Variants in CNTNAP4 observed in about 807,000 individuals in gnomAD.
The protein encoded by CNTNAP4 is contactin-associated protein-like 4.
Under a neutral mutation model 148.4 loss-of-function variants are expected in CNTNAP4, and 98 were observed. That is an observed-to-expected ratio of 0.66 (90% confidence interval 0.56 to 0.78). The LOEUF is 0.78. CNTNAP4 is among the 30% of genes least tolerant of loss of function. The pLI is 0.00. For missense variants in CNTNAP4, 1,935 were observed against 1,565.6 expected, an observed-to-expected ratio of 1.24 and a Z score of -3.98; for synonymous variants, 730 against 565.1, an observed-to-expected ratio of 1.29 and a Z score of -4.14.
chr16:76,464,384 T>C (rs1249171387), intron 9 of CNTNAP4, among the ~76,000 whole-genome samples: 1 of 152,124 alleles, frequency 6.6e-6, no homozygotes, highest in Non-Finnish European at 1.5e-5. Flanking sequence ...GGTGATCAAC[T>C]CTTGCCAACT....
intron 9 of CNTNAP4, among the ~76,000 whole-genome samples, chr16:76,462,599 G>GCTT (rs2081018930): frequency 6.6e-6 from 1 of 152,114 alleles, no homozygotes; most frequent in Non-Finnish European, 1.5e-5. Context: ...TGATACATTT[G>GCTT]ATGAAATCAG....
At chr16:76,447,105 C>T (rs139256045) in intron 4 of CNTNAP4, among the ~76,000 whole-genome samples, 2 of 151,960 alleles carry the variant, frequency 1.3e-5, no homozygotes, top group African/African-American at 2.4e-5. Flanking sequence ...CCCAGGAATT[C>T]GAGACCAGCC....
chr16:76,549,558 A>G (rs1243331916), intron 21 of CNTNAP4, among the ~76,000 whole-genome samples: 1 of 152,238 alleles, frequency 6.6e-6, no homozygotes, highest in African/African-American at 2.4e-5. Context: ...TTTTCTATCA[A>G]AATAAAGCTA....
chr16:76,324,203 A>G (rs151226272), intron 2 of CNTNAP4, among the ~76,000 whole-genome samples: 1 of 152,300 alleles, frequency 6.6e-6, no homozygotes, highest in African/African-American at 2.4e-5. Context: ...AGATACAGGA[A>G]TTCAAAATAT....
chr16:76,521,169 A>G lies in CNTNAP4; in HGVS notation c.2395A>G (p.Thr799Ala). The G allele has an allele frequency of 6.2e-7, 1 of 1,603,774 alleles. No individual in the cohort carries two copies. Among genetic ancestry groups the G allele is most frequent in the Non-Finnish European group, 8.5e-7 (1 of 1,177,350 alleles). The change falls in exon 16 of 24, where the codon ACC becomes GCC. Residue 799 changes from threonine (T) to alanine (A), a missense_variant. By Grantham distance (58) the Thr-to-Ala change is moderately conservative (BLOSUM62 0). Coordinates refer to ENST00000611870, the MANE Select transcript of CNTNAP4 (RefSeq NM_033401.5). ...RSFWNSASFDTEASYLHFPTF... is the reference protein window; with the variant it reads ...RSFWNSASFDAEASYLHFPTF... ...ATTTTGGAATTCAGCTTCCTTTGAT[A>G]CCGAGGCTTCATATCTTCATTTTCC...
In CNTNAP4 at chr16:76,403,463, C is replaced by G. The variant is rs2144858718; in HGVS notation, c.391-23989C>G. Among the ~76,000 whole-genome samples the G allele has an allele frequency of 1.3e-5, 2 of 152,232 alleles. 1 individual carries two copies. Among genetic ancestry groups the G allele is most frequent in the East Asian group, 3.9e-4 (2 of 5,180 alleles). The stretch of plus-strand genomic sequence containing the variant: ...TGAAGAAAATCCCAATATCACTGAT[C>G]ATTAGAGAAATACAAATCAAAGCCA... On this transcript the variant is annotated intron_variant, in intron 3 of 23. Coordinates refer to ENST00000611870, the MANE Select transcript of CNTNAP4 (RefSeq NM_033401.5).
chr16:76,335,706 C>T (rs991494171), intron 2 of CNTNAP4, among the ~76,000 whole-genome samples: 1 of 152,148 alleles, frequency 6.6e-6, no homozygotes, highest in African/African-American at 2.4e-5. Flanking sequence ...GTCACGAAGT[C>T]ATTCTGTTGC....
At chr16:76,493,684 C>G (rs961563311) in intron 13 of CNTNAP4, among the ~76,000 whole-genome samples, 2 of 152,068 alleles carry the variant, frequency 1.3e-5, no homozygotes, top group Non-Finnish European at 2.9e-5. Context: ...GTATTTCAAG[C>G]AATTTTCACC....
chr16:76,521,152 A>G lies in CNTNAP4; in HGVS notation c.2378A>G (p.Asn793Ser), dbSNP rs1169570866. 1 of 1,579,804 alleles carries G rather than the reference A, an allele frequency of 6.3e-7. No individual in the cohort carries two copies. The highest frequency in any genetic ancestry group is 8.5e-7 in the Non-Finnish European group (1 of 1,169,752). Reference protein sequence around the residue: ...LLCQGDRSFWNSASFDTEASY... With the variant: ...LLCQGDRSFWSSASFDTEASY... ...TTTCACAAAACAGGATCATTTTGGA[A>G]TTCAGCTTCCTTTGATACCGAGGCT... Residue 793 changes from asparagine (N) to serine (S), a missense_variant, in exon 16 of 24, where the codon AAT becomes AGT. Asn to Ser is a conservative substitution (Grantham distance 46). Coordinates refer to ENST00000611870, the MANE Select transcript of CNTNAP4 (RefSeq NM_033401.5).
At position 76,533,029 on chromosome 16, in the gene CNTNAP4, C is replaced by T. The variant is rs940392960; in HGVS notation, c.2756-2516C>T. Among the ~76,000 whole-genome samples the T allele has an allele frequency of 2.6e-5, 4 of 152,224 alleles. 1 individual carries two copies. The highest frequency in any genetic ancestry group is 2.6e-4 in the Admixed American group (4 of 15,298). On this transcript the variant is annotated intron_variant, in intron 17 of 23. Coordinates refer to ENST00000611870, the MANE Select transcript of CNTNAP4 (RefSeq NM_033401.5). ...GAAAATCAGTGTATTGAAAAGACAGCTGCACCCCTAAGTTTATTGCAACAC... is the reference window on the plus strand; with the variant it reads ...GAAAATCAGTGTATTGAAAAGACAGTTGCACCCCTAAGTTTATTGCAACAC...
At chr16:76,397,944 A>G (rs1265747447) in intron 3 of CNTNAP4, among the ~76,000 whole-genome samples, 57 of 522 alleles carry the variant, frequency 0.11, 1 homozygote, top group African/African-American at 0.18. Context: ...TAGATTATAT[A>G]CATATATATA....
intron 2 of CNTNAP4, among the ~76,000 whole-genome samples, chr16:76,350,271 T>C (rs2144444637): frequency 6.6e-6 from 1 of 152,262 alleles, no homozygotes. Context: ...TAAAAATAAG[T>C]AATTTCTCAC....
chr16:76,356,114 G>T (rs2012601796), intron 3 of CNTNAP4, among the ~76,000 whole-genome samples: 2 of 151,842 alleles, frequency 1.3e-5, no homozygotes, highest in African/African-American at 4.8e-5. Context: ...GCCTCAAGCA[G>T]TCCACCTGTC....
At chr16:76,502,608 G>C (rs1035558414) in intron 15 of CNTNAP4, among the ~76,000 whole-genome samples, 3 of 152,140 alleles carry the variant, frequency 2.0e-5, no homozygotes, top group African/African-American at 7.2e-5. Context: ...GACCTCTGAT[G>C]TAAGACAAGG....
intron 3 of CNTNAP4, among the ~76,000 whole-genome samples, chr16:76,408,865 C>G (rs1235047539): frequency 6.6e-6 from 1 of 151,860 alleles, no homozygotes; most frequent in Non-Finnish European, 1.5e-5. Context: ...GTAGTTTTAC[C>G]TCATCCACTA....
chr16:76,436,176 G>T (rs149848411), intron 4 of CNTNAP4, among the ~76,000 whole-genome samples: 1 of 152,144 alleles, frequency 6.6e-6, no homozygotes, highest in East Asian at 1.9e-4. Flanking sequence ...CTCAGGCAGC[G>T]CAGGGTTTAT....
At chr16:76,433,814 A>G (rs990382515) in intron 4 of CNTNAP4, among the ~76,000 whole-genome samples, 4 of 152,144 alleles carry the variant, frequency 2.6e-5, no homozygotes, top group Non-Finnish European at 5.9e-5. Flanking sequence ...GGTGAATTAG[A>G]TAGTTCTTAC....
intron 2 of CNTNAP4, among the ~76,000 whole-genome samples, chr16:76,325,434 A>C (rs1368951073): frequency 2.0e-5 from 3 of 152,172 alleles, no homozygotes; most frequent in Non-Finnish European, 4.4e-5. Context: ...TATATCTCAA[A>C]GGATTGAAAT....
chr16:76,428,431 T>C (rs1277999580), intron 4 of CNTNAP4, among the ~76,000 whole-genome samples: 2 of 149,526 alleles, frequency 1.3e-5, no homozygotes, highest in African/African-American at 4.9e-5. Flanking sequence ...TTTTTTTTTT[T>C]CTCTAGTAAA....
Sources: gnomAD v4.1 joint callset for allele counts (sites outside exome capture counted in the v4.1 genomes callset) on GRCh38, gnomAD v4.1.1 for gene constraint, MANE v1.5 for transcripts, NCBI Gene and HGNC (gene_info 2026-07-23, HGNC 2026-07-21) for gene names.